SCFD1: variants seen among roughly 807,000 people sequenced by gnomAD.
SCFD1 encodes sec1 family domain-containing protein 1.
In SCFD1, 37 loss-of-function variants were observed where a neutral mutation model predicts 103.2. The ratio of observed to expected loss-of-function variants is 0.36; its 90% confidence interval spans 0.28 to 0.47. SCFD1 has a LOEUF of 0.47. Among genes scored for constraint, SCFD1 ranks in the 20% least tolerant of loss-of-function variants. The probability of loss-of-function intolerance (pLI) is 1.00; values close to 1 mark genes in which losing one functional copy is unlikely to be tolerated. For missense variants in SCFD1, 639 were observed against 761.2 expected, an observed-to-expected ratio of 0.84 and a Z score of 1.89; for synonymous variants, 264 against 245.0, an observed-to-expected ratio of 1.08 and a Z score of -0.73.
At chr14:30,671,743 A>G (rs1157491871) in intron 11 of SCFD1, among the ~76,000 whole-genome samples, 2 of 152,140 alleles carry the variant, frequency 1.3e-5, no homozygotes, top group African/African-American at 4.8e-5. Context: ...ATAGGGAGAT[A>G]ATAATTCTAC....
intron 13 of SCFD1, 30 bp downstream of exon 13, chr14:30,674,027 CT>C: frequency 6.6e-7 from 1 of 1,524,902 alleles, no homozygotes; most frequent in Non-Finnish European, 9.0e-7. Flanking sequence ...TCTTTGAAGT[CT>C]TTCTGTTGAT....
chr14:30,652,910 G>T (rs976480935), intron 9 of SCFD1, among the ~76,000 whole-genome samples: 4 of 152,024 alleles, frequency 2.6e-5, no homozygotes, highest in Non-Finnish European at 5.9e-5. Context: ...TTGGGAGACT[G>T]AGGTGGGAGG....
chr14:30,638,360 G>A lies in SCFD1; in HGVS notation c.435+113G>A, dbSNP rs1354123469. The A allele has an allele frequency of 4.9e-6, 7 of 1,427,008 alleles. No individual in the cohort carries two copies. In the African/African-American group the frequency reaches 8.8e-5, roughly 18 times the overall value. 88.4% of individuals were successfully genotyped at this position (1,427,008 alleles called of 1,614,324 possible). On this transcript the variant is annotated intron_variant, in intron 5 of 24. Coordinates refer to ENST00000458591, the MANE Select transcript of SCFD1 (RefSeq NM_016106.4). Reference sequence around the variant, plus strand: ...GACAGATGACCAGAACAACAGAATTGTTTAGGCTCAATACTTTTATAAAGA... The same window carrying A: ...GACAGATGACCAGAACAACAGAATTATTTAGGCTCAATACTTTTATAAAGA...
chr14:30,711,445 C>T (rs564618974), intron 19 of SCFD1, among the ~76,000 whole-genome samples: 2 of 152,212 alleles, frequency 1.3e-5, no homozygotes, highest in South Asian at 4.1e-4. Context: ...CCATCTATCT[C>T]TACAAAAAAT....
chr14:30,636,371 G>A (rs1420626783), intron 4 of SCFD1, among the ~76,000 whole-genome samples: 1 of 151,736 alleles, frequency 6.6e-6, no homozygotes, highest in African/African-American at 2.4e-5. Context: ...GCTCTTACCT[G>A]TAGGTCTTGA....
intron 2 of SCFD1, 99 bp downstream of exon 2, chr14:30,628,378 A>G: frequency 1.4e-6 from 1 of 697,062 alleles, no homozygotes; most frequent in Non-Finnish European, 2.5e-6. Context: ...AGTAACACAT[A>G]TTAGTTATCA....
At chr14:30,698,267 A>G (rs1890834207) in intron 15 of SCFD1, among the ~76,000 whole-genome samples, 1 of 152,222 alleles carries the variant, frequency 6.6e-6, no homozygotes, top group Non-Finnish European at 1.5e-5. Flanking sequence ...CAGGCTTTAG[A>G]ATAATCATAG....
intron 4 of SCFD1, among the ~76,000 whole-genome samples, chr14:30,636,054 G>T (rs980012221): frequency 6.6e-6 from 1 of 152,000 alleles, no homozygotes; most frequent in East Asian, 1.9e-4. Context: ...TGTCTTTCTA[G>T]AAATATCTAT....
At chr14:30,634,819 C>G (rs1477259258) in intron 4 of SCFD1, 1 of 455,896 alleles carries the variant, frequency 2.2e-6, no homozygotes, top group East Asian at 6.9e-5. Flanking sequence ...TTCACATCAA[C>G]AAGAAGAGGG....
chr14:30,703,963 AAAT>A lies in SCFD1; in HGVS notation c.1490+1592_1490+1594del, dbSNP rs1566646087. Among the ~76,000 whole-genome samples, 91 of 45,584 alleles carry A rather than the reference AAAT, an allele frequency of 2.0e-3. 4 individuals are homozygous for A. The highest frequency in any genetic ancestry group is 6.2e-3 in the African/African-American group (17 of 2,764). The allele number at this position is 45,584 out of a possible 152,430, so 29.9% of individuals were successfully genotyped here. On this transcript the variant is annotated intron_variant, in intron 17 of 24. Coordinates refer to ENST00000458591, the MANE Select transcript of SCFD1 (RefSeq NM_016106.4). ...TATATATATATATATATATATATAT[AAAT>A]AATGAGATATCTTGGGGATGGGACC...
chr14:30,705,497 G>A (rs1042587537), intron 17 of SCFD1, among the ~76,000 whole-genome samples: 1 of 152,140 alleles, frequency 6.6e-6, no homozygotes, highest in African/African-American at 2.4e-5. Context: ...CAGGCTGGGC[G>A]CAGTGGCTCA....
intron 21 of SCFD1, 91 bp from the exon 22 acceptor site, chr14:30,721,793 T>C: frequency 9.7e-7 from 1 of 1,034,308 alleles, no homozygotes; most frequent in Non-Finnish European, 1.5e-6. Flanking sequence ...AATACTTACC[T>C]AATAGTGCAT....
At chr14:30,622,280 G>A, upstream of SCFD1, 1 of 1,588,550 alleles carries the variant, frequency 6.3e-7, no homozygotes, top group Non-Finnish European at 8.5e-7. Flanking sequence ...GGCGGTAAGG[G>A]CAGCCACGTC....
chr14:30,665,347 G>C (rs1887845789), intron 10 of SCFD1, among the ~76,000 whole-genome samples: 1 of 152,218 alleles, frequency 6.6e-6, no homozygotes, highest in Non-Finnish European at 1.5e-5. Flanking sequence ...AATGCTGAGA[G>C]ATTTTGTCAC....
intron 5 of SCFD1, among the ~76,000 whole-genome samples, 184 bp downstream of exon 5, chr14:30,638,431 G>A (rs1884952052): frequency 6.6e-6 from 1 of 152,130 alleles, no homozygotes; most frequent in Non-Finnish European, 1.5e-5. Context: ...GGCAAAATAA[G>A]CCAAACTAAA....
intron 23 of SCFD1, among the ~76,000 whole-genome samples, chr14:30,727,908 A>T (rs958210101): frequency 2.6e-5 from 4 of 152,206 alleles, no homozygotes; most frequent in African/African-American, 9.7e-5. Flanking sequence ...TGAAAAAAAA[A>T]CATTAATTCC....
chr14:30,640,156 T>C (rs562149141), intron 6 of SCFD1, among the ~76,000 whole-genome samples: 1 of 152,290 alleles, frequency 6.6e-6, no homozygotes, highest in East Asian at 1.9e-4. Flanking sequence ...AGACAATATT[T>C]TAGTAGCAGA....
rs1891364388 is a variant in SCFD1 at position 30,704,913 on chromosome 14, A to T, written c.1491-910A>T. Among the ~76,000 whole-genome samples the T allele has an allele frequency of 1.3e-5, 2 of 152,216 alleles. 1 individual carries two copies. Among genetic ancestry groups the T allele is most frequent in the South Asian group, 4.1e-4 (2 of 4,836 alleles). ...ATATGTCCTAAGATTAGAAGACTAT[A>T]CACCAACATCTTAACAGGGGTTACC... On this transcript the variant is annotated intron_variant, in intron 17 of 24. Transcript: ENST00000458591.
At chr14:30,730,763 T>C (rs1009512771) in intron 23 of SCFD1, among the ~76,000 whole-genome samples, 16 of 152,218 alleles carry the variant, frequency 1.1e-4, no homozygotes, top group Admixed American at 1.3e-4. Flanking sequence ...CTTTGTCAGA[T>C]GAGTAGATTG....
Sources: gnomAD v4.1 joint callset for allele counts (sites outside exome capture counted in the v4.1 genomes callset) on GRCh38, gnomAD v4.1.1 for gene constraint, MANE v1.5 for transcripts, NCBI Gene and HGNC (gene_info 2026-07-23, HGNC 2026-07-21) for gene names.